The following CLU variants were observed in gnomAD, a reference collection of about 807,000 sequenced individuals.
The protein encoded by CLU is aging-associated protein 4.
A neutral mutation model predicts 46.4 loss-of-function variants in CLU; 25 were observed. That is an observed-to-expected ratio of 0.54 (90% CI 0.39 to 0.75). CLU has a LOEUF of 0.75. Among genes scored for constraint, CLU ranks in the 30% least tolerant of loss-of-function variants. The probability of loss-of-function intolerance (pLI) is 0.00; values close to 1 mark genes in which losing one functional copy is unlikely to be tolerated. For missense variants in CLU, 504 were observed against 592.1 expected, an observed-to-expected ratio of 0.85 and a Z score of 1.54; for synonymous variants, 235 against 235.1, an observed-to-expected ratio of 1.00 and a Z score of 0.00.
chr8:27,611,023 T>C (rs1051625288), intron 1 of CLU: 6 of 369,512 alleles, frequency 1.6e-5, no homozygotes, highest in African/African-American at 1.1e-4. Context: ...CCATGCCACC[T>C]CCACAGAGGG....
At chr8:27,601,964 G>C (rs748935688) in intron 6 of CLU, among the ~76,000 whole-genome samples, 1 of 152,004 alleles carries the variant, frequency 6.6e-6, no homozygotes, top group Non-Finnish European at 1.5e-5. Context: ...GGCGGTGCAC[G>C]CCTGTAATCC....
At position 27,598,643 on chromosome 8, in the gene CLU, G is replaced by C; in HGVS notation, c.1165-8C>G. 6.2e-7 allele frequency: 1 copy of C among 1,613,726 alleles called. No homozygotes were observed. Among genetic ancestry groups the C allele is most frequent in the Non-Finnish European group, 8.5e-7 (1 of 1,179,864 alleles). On this transcript the variant is annotated splice_region_variant and splice_polypyrimidine_tract_variant and intron_variant, in intron 7 of 8. Transcript: ENST00000316403. ...AGAAGTGTGGGAAGCCACCTAAATGGAACAAGAGAAAAGGGAAGAGCTGAA... is the reference window on the plus strand; with the variant it reads ...AGAAGTGTGGGAAGCCACCTAAATGCAACAAGAGAAAAGGGAAGAGCTGAA...
intron 6 of CLU, among the ~76,000 whole-genome samples, chr8:27,603,256 T>A (rs1800754820): frequency 6.6e-6 from 1 of 152,204 alleles, no homozygotes; most frequent in South Asian, 2.1e-4. Context: ...TATGATATTT[T>A]TTATAGAAAA....
chr8:27,598,543 G>T lies in CLU; in HGVS notation c.1257C>A (p.Val419=). The change falls in exon 8 of 9, where the codon GTC becomes GTA. Residue 419 remains valine, a synonymous_variant. Transcript: ENST00000316403. ...GGTTCTTCCTGGAGACTTCTACAGG[G>T]ACCGTCACAGTGATGGGATCAGAGT... is the stretch of plus-strand genomic sequence containing the variant. The part of the protein sequence containing the change: ...LFDSDPITVT[V]PVEVSRKNPK... The T allele has an allele frequency of 6.2e-7, 1 of 1,613,964 alleles. No individual in the cohort carries two copies. Among genetic ancestry groups the T allele is most frequent in the Non-Finnish European group, 8.5e-7 (1 of 1,179,878 alleles).
intron 6 of CLU, among the ~76,000 whole-genome samples, chr8:27,601,214 G>A (rs1453833364): frequency 1.3e-5 from 2 of 152,176 alleles, no homozygotes; most frequent in African/African-American, 4.8e-5. Context: ...ACCCCCGGGT[G>A]ATTTTTTTGT....
At position 27,614,676 on chromosome 8, in the gene CLU, C is replaced by T. The variant is rs1292637614; in HGVS notation, c.-51G>A. 1.3e-5 allele frequency: 7 copies of T among 532,300 alleles called. No individual in the cohort carries two copies. The highest frequency in any genetic ancestry group is 9.6e-5 in the African/African-American group (5 of 51,914). 33.0% of individuals were successfully genotyped at this position (532,300 alleles called of 1,614,324 possible). A position where few individuals can be genotyped will look rare whatever the true frequency, so the allele number is the denominator to read the frequency against. On this transcript the variant is annotated 5_prime_UTR_variant, in exon 1 of 9. Coordinates refer to ENST00000316403, the MANE Select transcript of CLU (RefSeq NM_001831.4). ...TCACCGGTCAGCGGCACCCTGTGCC[C>T]GCGCGCTCCTCCTGGCGACGCCGCG...
chr8:27,608,782 CT>C (rs1800867335), intron 3 of CLU, 155 bp downstream of exon 3: 3 of 799,262 alleles, frequency 3.8e-6, no homozygotes, highest in African/African-American at 1.7e-5. Context: ...GCAAATGAAC[CT>C]TCCCTGCTTC....
Position 27,606,359 on chromosome 8 carries a change from G to A in CLU, c.412C>T (p.Arg138Cys), listed in dbSNP as rs757239189. Residue 138 changes from arginine to cysteine, a missense_variant, in exon 4 of 9, where the codon CGC (arginine) becomes TGC (cysteine). Physicochemically the swap from Arg to Cys is radical, Grantham distance 180. Coordinates refer to ENST00000316403, the MANE Select transcript of CLU (RefSeq NM_001831.4). ...CTCATGTGTCCCCTTTTCACCTGGC[G>A]GCCAACCAGGCCTGAGCCACTTCTG... Reference protein sequence around the residue: ...VCRSGSGLVGRQLEEFLNQSS... With the variant: ...VCRSGSGLVGCQLEEFLNQSS... 3.7e-6 allele frequency: 6 copies of A among 1,614,008 alleles called. No individual in the cohort carries two copies. The highest frequency in any genetic ancestry group is 2.2e-5 in the South Asian group (2 of 91,068).
intron 1 of CLU, 41 bp from the exon 2 acceptor site, chr8:27,610,641 C>A (rs1158508718): frequency 5.3e-6 from 8 of 1,519,500 alleles, no homozygotes; most frequent in Middle Eastern, 1.7e-4. Flanking sequence ...AGCTAGACAG[C>A]CTGCTGGCGT....
chr8:27,612,284 C>G (rs1225161489), intron 1 of CLU, among the ~76,000 whole-genome samples: 3 of 152,186 alleles, frequency 2.0e-5, no homozygotes, highest in African/African-American at 7.2e-5. Flanking sequence ...GACCCCTAGT[C>G]CAGTATTCTT....
At chr8:27,610,828 A>G in intron 1 of CLU, 1 of 516,856 alleles carries the variant, frequency 1.9e-6, no homozygotes, top group Non-Finnish European at 3.5e-6. Context: ...ACTGCAGGAC[A>G]GCAATGTTGA....
intron 6 of CLU, among the ~76,000 whole-genome samples, chr8:27,602,835 C>A (rs986107980): frequency 6.6e-6 from 1 of 152,076 alleles, no homozygotes; most frequent in African/African-American, 2.4e-5. Context: ...GAGGCCGAGG[C>A]GGGCAGATTA....
chr8:27,610,752 GA>G, intron 1 of CLU, 152 bp from the exon 2 acceptor site: 1 of 640,834 alleles, frequency 1.6e-6, no homozygotes, highest in African/African-American at 1.8e-5. Flanking sequence ...GAAATGGGGG[GA>G]AATGACCAGA....
At chr8:27,610,653 C>A (rs1800908898) in intron 1 of CLU, 53 bp from the exon 2 acceptor site, 1 of 1,427,750 alleles carries the variant, frequency 7.0e-7, no homozygotes. Flanking sequence ...TGCTGGCGTC[C>A]CGCCCACCTG....
intron 8 of CLU, 47 bp downstream of exon 8, chr8:27,598,413 A>T (rs1297041943): frequency 6.2e-7 from 1 of 1,610,812 alleles, no homozygotes; most frequent in East Asian, 2.2e-5. Context: ...TGGCTCCCAG[A>T]GACTCACTGG....
Position 27,611,127 on chromosome 8 carries a change from C to A in CLU, c.-29-527G>T, listed in dbSNP as rs1335757367. ...CCATTCACCACAGCGCTGCAGCCCCCAGGGAGTCTCAGCACCACCTGAACT... is the reference window on the plus strand; with the variant it reads ...CCATTCACCACAGCGCTGCAGCCCCAAGGGAGTCTCAGCACCACCTGAACT... On this transcript the variant is annotated intron_variant, in intron 1 of 8. Transcript: ENST00000316403. 1.3e-5 allele frequency: 6 copies of A among 445,598 alleles called. No individual in the cohort carries two copies. In the Admixed American group the frequency reaches 1.4e-4, roughly 11 times the overall value. 27.6% of individuals were successfully genotyped at this position (445,598 alleles called of 1,614,324 possible).
chr8:27,603,173 G>A (rs1446652866), intron 6 of CLU, among the ~76,000 whole-genome samples: 2 of 152,190 alleles, frequency 1.3e-5, no homozygotes, highest in African/African-American at 4.8e-5. Flanking sequence ...TCTGGGCACA[G>A]GCATCTGGAC....
intron 2 of CLU, 143 bp downstream of exon 2, chr8:27,610,332 C>A (rs954905934): frequency 1.9e-5 from 14 of 736,080 alleles, no homozygotes; most frequent in Non-Finnish European, 2.7e-5. Flanking sequence ...TGGGCCCAGA[C>A]ACAGGCACCC....
At chr8:27,604,443 A>G in intron 5 of CLU, 48 bp from the exon 6 acceptor site, 1 of 1,376,328 alleles carries the variant, frequency 7.3e-7, no homozygotes, top group Non-Finnish European at 1.0e-6. Context: ...CCATGCAGAG[A>G]TGGACTCCAC....
Sources: gnomAD v4.1 joint callset for allele counts (sites outside exome capture counted in the v4.1 genomes callset) on GRCh38, gnomAD v4.1.1 for gene constraint, MANE v1.5 for transcripts, NCBI Gene and HGNC (gene_info 2026-07-23, HGNC 2026-07-21) for gene names.